The following METTL21A variants were observed in gnomAD, a reference collection of about 807,000 sequenced individuals.
METTL21A encodes protein N-lysine methyltransferase METTL21A.
Under a neutral mutation model 20.9 loss-of-function variants are expected in METTL21A, and 22 were observed. The observed-to-expected ratio is 1.05, with a 90% CI of 0.75 to 1.50. The LOEUF (loss-of-function observed/expected upper bound fraction) is 1.50, where lower values mean the gene tolerates loss of function less well. Ranked by LOEUF, METTL21A falls within the 40% of genes most tolerant of loss-of-function variation. METTL21A has a pLI of 0.00. For missense variants in METTL21A, 271 were observed against 266.8 expected (o/e 1.02, Z -0.11); for synonymous variants, 93 against 102.0 (o/e 0.91, Z 0.53).
intron 3 of METTL21A, among the ~76,000 whole-genome samples, chr2:207,588,741 T>G (rs58304838): frequency 0.48 from 65,771 of 137,720 alleles, 15,677 homozygotes; most frequent in South Asian, 0.62. Flanking sequence ...TTTTTTTTTT[T>G]TGTGTGTGGG....
chr2:207,612,927 T>G, exon 4 of METTL21A: 2 of 1,064,584 alleles, frequency 1.9e-6, no homozygotes, highest in Non-Finnish European at 2.7e-6. Context: ...CTTTCTCCCC[T>G]GAGAACCTTT....
At chr2:207,583,394 TTA>T (rs1407065480) in intron 3 of METTL21A, among the ~76,000 whole-genome samples, 2 of 152,228 alleles carry the variant, frequency 1.3e-5, no homozygotes, top group African/African-American at 2.4e-5. Flanking sequence ...GAAACTTGGC[TTA>T]TATGTTTGTT....
chr2:207,599,175 A>C (rs918796208), intron 3 of METTL21A: 11 of 197,684 alleles, frequency 5.6e-5, no homozygotes, highest in Admixed American at 4.8e-4. Context: ...AGGCTTTCAA[A>C]CAACTATAAA....
At chr2:207,612,986 T>A (rs1381848309) in exon 4 of METTL21A, 2 of 1,455,396 alleles carry the variant, frequency 1.4e-6, no homozygotes, top group African/African-American at 2.8e-5. Context: ...ATGGTTAGAT[T>A]TGCAGTCTAA....
intron 3 of METTL21A, chr2:207,596,812 G>C: frequency 7.6e-7 from 1 of 1,319,522 alleles, no homozygotes; most frequent in Non-Finnish European, 1.1e-6. Flanking sequence ...TAAAATGTTG[G>C]TTGCTGTGAG....
intron 3 of METTL21A, chr2:207,620,811 T>A: frequency 1.1e-6 from 1 of 903,348 alleles, no homozygotes; most frequent in Admixed American, 3.0e-5. Context: ...AAAGAAATAG[T>A]GAAAAAGTAT....
At chr2:207,587,765 T>A (rs1697220549) in intron 3 of METTL21A, among the ~76,000 whole-genome samples, 1 of 151,878 alleles carries the variant, frequency 6.6e-6, no homozygotes, top group Admixed American at 6.6e-5. Context: ...AAGTAGAGAG[T>A]AAAATTGTGG....
chr2:207,603,375 A>G (rs1443817380), intron 3 of METTL21A: 3 of 224,848 alleles, frequency 1.3e-5, no homozygotes, highest in Non-Finnish European at 1.8e-5. Flanking sequence ...AACTGTCATA[A>G]TGCTCTTTTT....
chr2:207,624,569 A>C (rs532238312), intron 1 of METTL21A, 165 bp from the exon 2 acceptor site: 3 of 563,358 alleles, frequency 5.3e-6, no homozygotes, highest in African/African-American at 2.0e-5. Flanking sequence ...TCCGAATCTG[A>C]GTGAGATTTG....
At chr2:207,621,545 G>A (rs1051233274) in intron 3 of METTL21A, among the ~76,000 whole-genome samples, 3 of 152,266 alleles carry the variant, frequency 2.0e-5, no homozygotes, top group South Asian at 2.1e-4. Flanking sequence ...ATTGAAGGGG[G>A]CAGAGCAATC....
At chr2:207,613,576 T>C (rs2089278399) in intron 3 of METTL21A, 133 bp from the exon 4 acceptor site, 1 of 775,754 alleles carries the variant, frequency 1.3e-6, no homozygotes, top group Non-Finnish European at 1.9e-6. Context: ...ACACCTTTCA[T>C]GGACAGCTGC....
chr2:207,585,118 G>A (rs2083589464), intron 3 of METTL21A, among the ~76,000 whole-genome samples: 1 of 152,120 alleles, frequency 6.6e-6, no homozygotes, highest in Non-Finnish European at 1.5e-5. Context: ...GAATCATGAA[G>A]GCCAGCTCGC....
At chr2:207,607,495 AAAT>A (rs2088294285), downstream of METTL21A, among the ~76,000 whole-genome samples, 1 of 151,400 alleles carries the variant, frequency 6.6e-6, no homozygotes, top group Non-Finnish European at 1.5e-5. Context: ...AAAACATTCC[AAAT>A]AATGTTATTC....
intron 2 of METTL21A, among the ~76,000 whole-genome samples, chr2:207,622,389 T>G (rs1186855762): frequency 1.3e-5 from 2 of 152,120 alleles, no homozygotes; most frequent in Non-Finnish European, 2.9e-5. Flanking sequence ...CAAGCTGGTC[T>G]TGAACTCCTG....
At chr2:207,581,701 C>T (rs1230734037) in exon 4 of METTL21A, 5 of 580,174 alleles carry the variant, frequency 8.6e-6, no homozygotes, top group Non-Finnish European at 1.5e-5. Context: ...TAGTATATTA[C>T]ATAACCAGGG....
chr2:207,582,792 C>A, intron 3 of METTL21A: 1 of 278,572 alleles, frequency 3.6e-6, no homozygotes, highest in Non-Finnish European at 7.3e-6. Context: ...ACTCAGGCGG[C>A]TGAGGCAGAA....
chr2:207,620,452 A>ATAAAT (rs1400618516), intron 3 of METTL21A, among the ~76,000 whole-genome samples: 5 of 82,812 alleles, frequency 6.0e-5, no homozygotes, highest in African/African-American at 2.7e-4. Context: ...CAAAAAATAA[A>ATAAAT]TAAATAAAAT....
chr2:207,602,034 G>A (rs760532461), intron 3 of METTL21A: 30 of 205,256 alleles, frequency 1.5e-4, no homozygotes, highest in Non-Finnish European at 2.2e-4. Context: ...AGTCAGTATG[G>A]AAAATTTTCA....
At chr2:207,598,698 T>G (rs540924595) in intron 3 of METTL21A, 69 of 164,164 alleles carry the variant, frequency 4.2e-4, no homozygotes, top group African/African-American at 1.6e-3. Context: ...AATACAAAAA[T>G]TAGCCAGGCG....
Sources: allele counts gnomAD v4.1 joint callset (sites outside exome capture counted in the v4.1 genomes callset), GRCh38; gene constraint gnomAD v4.1.1; transcripts MANE v1.5; gene names NCBI Gene and HGNC (gene_info 2026-07-23, HGNC 2026-07-21).